Variants in ACLY observed in about 807,000 individuals in gnomAD.
ACLY encodes ATP citrate lyase.
Under a neutral mutation model 133.0 loss-of-function variants are expected in ACLY, and 41 were observed. That is an observed-to-expected ratio of 0.31 (90% CI 0.24 to 0.40). The LOEUF (loss-of-function observed/expected upper bound fraction) is 0.40, where lower values mean the gene tolerates loss of function less well. ACLY is among the 10% of genes least tolerant of loss of function. The probability of loss-of-function intolerance (pLI) is 1.00; values close to 1 mark genes in which losing one functional copy is unlikely to be tolerated. For missense variants in ACLY, 1,046 were observed against 1,453.8 expected (o/e 0.72, Z 4.56); for synonymous variants, 495 against 549.3 (o/e 0.90, Z 1.38).
Position 41,910,231 on chromosome 17 carries a change from G to A in ACLY, c.336C>T (p.Pro112=), listed in dbSNP as rs574415234. 1 of 1,613,676 alleles carries A rather than the reference G, an allele frequency of 6.2e-7. No individual in the cohort carries two copies. The highest frequency in any genetic ancestry group is 2.2e-5 in the East Asian group (1 of 44,870). The change falls in exon 4 of 29, where the codon CCC becomes CCT. Residue 112 remains proline, a synonymous_variant. Transcript: ENST00000352035. ...LKNFLIEPFV[P]HSQAEEFYVC... ...GCCGCCTCACACATACCTGACTGTG[G>A]GGGACGAAGGGCTCGATCAGAAAGT...
upstream of ACLY, among the ~76,000 whole-genome samples, chr17:41,920,890 G>C (rs1175389423): frequency 6.6e-6 from 1 of 152,046 alleles, no homozygotes; most frequent in Non-Finnish European, 1.5e-5. Context: ...GTGAAACCCT[G>C]TTTCTACTAA....
At chr17:41,915,309 C>T (rs2050022062) in intron 1 of ACLY, among the ~76,000 whole-genome samples, 1 of 152,128 alleles carries the variant, frequency 6.6e-6, no homozygotes, top group Admixed American at 6.5e-5. Flanking sequence ...TCCTGACTCC[C>T]CCAAAGCCCA....
In ACLY at chr17:41,868,791, A is replaced by G; in HGVS notation, c.3135-6T>C. ...TATATTCATCAGCTTCCTCCCTGCA[A>G]CACACATCAACTTGTAGTTTTAAAA... is the stretch of plus-strand genomic sequence containing the variant. On this transcript the variant is annotated splice_polypyrimidine_tract_variant and splice_region_variant and intron_variant, in intron 27 of 28. Coordinates refer to ENST00000352035, the MANE Select transcript of ACLY (RefSeq NM_001096.3). The G allele has an allele frequency of 6.2e-7, 1 of 1,613,794 alleles. No homozygotes were observed. Among genetic ancestry groups the G allele is most frequent in the Non-Finnish European group, 8.5e-7 (1 of 1,179,846 alleles).
upstream of ACLY, among the ~76,000 whole-genome samples, chr17:41,922,006 G>A (rs547882573): frequency 5.9e-5 from 9 of 152,190 alleles, no homozygotes; most frequent in South Asian, 1.0e-3. Context: ...GACCAGCCTG[G>A]CCAACATGGC....
At chr17:41,898,929 T>C (rs1220404945) in intron 11 of ACLY, 144 bp from the exon 12 acceptor site, 1 of 812,292 alleles carries the variant, frequency 1.2e-6, no homozygotes, top group Non-Finnish European at 1.9e-6. Flanking sequence ...AAATCAGCTG[T>C]CATAATTTCA....
At position 41,873,792 on chromosome 17, in the gene ACLY, T is replaced by C; in HGVS notation, c.2642+19A>G. The C allele has an allele frequency of 1.3e-6, 2 of 1,542,226 alleles. No homozygotes were observed. On this transcript the variant is annotated intron_variant, in intron 23 of 28. Coordinates refer to ENST00000352035, the MANE Select transcript of ACLY (RefSeq NM_001096.3). ...CTCTGAGCTGCAGGGCCCTGTAATCTTCTGCCCTCCATGCTCACCTTTTCT... is the reference window on the plus strand; with the variant it reads ...CTCTGAGCTGCAGGGCCCTGTAATCCTCTGCCCTCCATGCTCACCTTTTCT...
Position 41,887,721 on chromosome 17 carries a change from T to TC in ACLY, c.1771-19dup. The stretch of plus-strand genomic sequence containing the variant: ...GTCCGGATCTAGAGGATGACAAAAG[T>TC]CCCTTCCTGTTAACTCTCTGCCTCA... On this transcript the variant is annotated intron_variant, in intron 16 of 28. Coordinates refer to ENST00000352035, the MANE Select transcript of ACLY (RefSeq NM_001096.3). The TC allele has an allele frequency of 6.2e-7, 1 of 1,608,674 alleles. No individual in the cohort carries two copies. Among genetic ancestry groups the TC allele is most frequent in the Non-Finnish European group, 8.5e-7 (1 of 1,175,438 alleles).
At chr17:41,885,480 C>A (rs1165010816) in intron 18 of ACLY, among the ~76,000 whole-genome samples, 2 of 152,124 alleles carry the variant, frequency 1.3e-5, no homozygotes, top group Non-Finnish European at 1.5e-5. Context: ...TTATTATGAA[C>A]CTACTAAGTG....
chr17:41,883,237 C>A lies in ACLY; in HGVS notation c.2155-5G>T. 6.2e-7 allele frequency: 1 copy of A among 1,612,388 alleles called. No individual in the cohort carries two copies. The highest frequency in any genetic ancestry group is 8.5e-7 in the Non-Finnish European group (1 of 1,179,030). The stretch of plus-strand genomic sequence containing the variant: ...ATATTCCTCAGTGCCCCCAATCTGC[C>A]AAGGAATGGGGAATGAGAAAAAGCC... On this transcript the variant is annotated splice_polypyrimidine_tract_variant and splice_region_variant and intron_variant, in intron 19 of 28. Coordinates refer to ENST00000352035, the MANE Select transcript of ACLY (RefSeq NM_001096.3).
At chr17:41,890,406 C>T (rs1243222567) in intron 16 of ACLY, among the ~76,000 whole-genome samples, 7 of 151,912 alleles carry the variant, frequency 4.6e-5, no homozygotes, top group South Asian at 2.1e-4. Context: ...AAAAATTTGC[C>T]GGGCGCGGTG....
chr17:41,870,959 G>C (rs1334828261), intron 25 of ACLY, among the ~76,000 whole-genome samples: 1 of 152,224 alleles, frequency 6.6e-6, no homozygotes, highest in Non-Finnish European at 1.5e-5. Context: ...CAAACCCTCA[G>C]TGGATGTAGT....
intron 10 of ACLY, among the ~76,000 whole-genome samples, chr17:41,904,274 GGGGAGGGAGGAAGGAAA>G (rs1598026729): frequency 2.6e-5 from 3 of 115,988 alleles, no homozygotes; most frequent in Admixed American, 8.5e-5. Context: ...GAGGAAGGGA[GGGGAGGGAGGAAGGAAA>G]GGGAGGGAGG....
At chr17:41,910,764 T>C (rs1454849059) in intron 3 of ACLY, among the ~76,000 whole-genome samples, 1 of 152,198 alleles carries the variant, frequency 6.6e-6, no homozygotes, top group African/African-American at 2.4e-5. Flanking sequence ...CAGACTCTCC[T>C]GGCTGAGGAC....
At chr17:41,912,642 C>T (rs2049938417) in intron 2 of ACLY, 100 bp from the exon 3 acceptor site, 1 of 1,446,942 alleles carries the variant, frequency 6.9e-7, no homozygotes, top group Non-Finnish European at 9.5e-7. Context: ...ACTTCCCATT[C>T]ACTCTGCTCC....
At chr17:41,885,223 A>C (rs1555627940) in intron 18 of ACLY, among the ~76,000 whole-genome samples, 1 of 152,162 alleles carries the variant, frequency 6.6e-6, no homozygotes, top group African/African-American at 2.4e-5. Flanking sequence ...TAAGAAGACA[A>C]TCTAAACAAG....
At chr17:41,897,119 C>T (rs2049390652) in intron 13 of ACLY, among the ~76,000 whole-genome samples, 1 of 152,176 alleles carries the variant, frequency 6.6e-6, no homozygotes, top group Admixed American at 6.5e-5. Flanking sequence ...TTCCAAAATG[C>T]CATAGCAAAG....
intron 16 of ACLY, among the ~76,000 whole-genome samples, chr17:41,889,551 A>AAAAAAG (rs2049148882): frequency 6.7e-6 from 1 of 149,704 alleles, no homozygotes; most frequent in Non-Finnish European, 1.5e-5. Context: ...AAAAAAAAAA[A>AAAAAAG]AAAAAGAAGT....
In ACLY at chr17:41,887,127, G is replaced by GAAAAAAAA. The variant is rs535668437; in HGVS notation, c.1875+464_1875+471dup. Among the ~76,000 whole-genome samples, 18 of 110,412 alleles carry GAAAAAAAA rather than the reference G, an allele frequency of 1.6e-4. 1 individual carries two copies. The highest frequency in any genetic ancestry group is 3.6e-4 in the African/African-American group (9 of 24,998). The allele number at this position is 110,412 out of a possible 152,430, so 72.4% of individuals were successfully genotyped here. A position where few individuals can be genotyped will look rare whatever the true frequency, so the allele number is the denominator to read the frequency against. On this transcript the variant is annotated intron_variant, in intron 17 of 28. Coordinates refer to ENST00000352035, the MANE Select transcript of ACLY (RefSeq NM_001096.3). ...TAACAGGGCAAGACTCCGTCTCAAA[G>GAAAAAAAA]AAAAAAAAAAAAAAAAAAAAAAAAA...
upstream of ACLY, among the ~76,000 whole-genome samples, chr17:41,921,613 A>G (rs2050184738): frequency 6.6e-6 from 1 of 152,174 alleles, no homozygotes; most frequent in Admixed American, 6.5e-5. Context: ...GGAGGGCTTG[A>G]GCCCAGGAGT....
Sources: gnomAD v4.1 joint callset for allele counts (sites outside exome capture counted in the v4.1 genomes callset) on GRCh38, gnomAD v4.1.1 for gene constraint, MANE v1.5 for transcripts, NCBI Gene and HGNC (gene_info 2026-07-23, HGNC 2026-07-21) for gene names.